MTRF1: variants seen among roughly 807,000 people sequenced by gnomAD.
MTRF1 encodes the protein mitochondrial translation release factor 1.
Under a neutral mutation model 62.9 loss-of-function variants are expected in MTRF1, and 51 were observed. The observed-to-expected ratio is 0.81, with a 90% CI of 0.65 to 1.02. The LOEUF is 1.02. MTRF1 is among the 50% of genes least tolerant of loss of function. The pLI, the probability that MTRF1 is intolerant of heterozygous loss-of-function variation, is 0.00. For synonymous variants in MTRF1, 158 were observed against 181.9 expected, an observed-to-expected ratio of 0.87 and a Z score of 1.06; for missense variants, 446 against 530.0, an observed-to-expected ratio of 0.84 and a Z score of 1.56.
intron 7 of MTRF1, among the ~76,000 whole-genome samples, 168 bp from the exon 8 acceptor site, chr13:41,226,736 T>C (rs1052049818): frequency 1.5e-4 from 23 of 152,322 alleles, no homozygotes; most frequent in African/African-American, 5.3e-4. Context: ...ATAGCTGTAG[T>C]TGGCTCTTTA....
intron 3 of MTRF1, among the ~76,000 whole-genome samples, chr13:41,253,784 T>C (rs1261104730): frequency 6.6e-6 from 1 of 152,208 alleles, no homozygotes; most frequent in Non-Finnish European, 1.5e-5. Context: ...TGCCTTTGAT[T>C]AACTGGTTCA....
chr13:41,252,434 T>A (rs1158321809), intron 5 of MTRF1: 2 of 371,382 alleles, frequency 5.4e-6, no homozygotes, highest in East Asian at 8.0e-5. Flanking sequence ...TATTTCTCCC[T>A]AAGCAAATGC....
chr13:41,271,306 A>C, the MTRF1 span, among the ~76,000 whole-genome samples: 3 of 152,236 alleles, frequency 2.0e-5, no homozygotes, highest in Non-Finnish European at 4.4e-5. Context: ...GTAAATGTGC[A>C]CAAAGACCAT....
chr13:41,304,911 C>G, the MTRF1 span, among the ~76,000 whole-genome samples: 1 of 152,216 alleles, frequency 6.6e-6, no homozygotes, highest in Non-Finnish European at 1.5e-5. Flanking sequence ...CAGTTAGACA[C>G]TAAGGATTTA....
chr13:41,246,239 G>T (rs1191208846), intron 5 of MTRF1, among the ~76,000 whole-genome samples: 1 of 152,052 alleles, frequency 6.6e-6, no homozygotes, highest in East Asian at 1.9e-4. Context: ...TATGGCAATT[G>T]GTGGTTTGTT....
At chr13:41,232,223 G>A (rs144566565) in intron 7 of MTRF1, among the ~76,000 whole-genome samples, 1 of 152,034 alleles carries the variant, frequency 6.6e-6, no homozygotes, top group African/African-American at 2.4e-5. Flanking sequence ...AACAAAATAA[G>A]AAAAGGATGC....
intron 7 of MTRF1, among the ~76,000 whole-genome samples, chr13:41,230,899 A>G (rs2035431966): frequency 6.6e-6 from 1 of 151,536 alleles, no homozygotes; most frequent in Non-Finnish European, 1.5e-5. Context: ...ATTTTTTTGT[A>G]TTTTTAGTAG....
upstream of MTRF1, among the ~76,000 whole-genome samples, chr13:41,265,268 C>G (rs545122030): frequency 1.3e-5 from 2 of 151,746 alleles, no homozygotes; most frequent in African/African-American, 2.4e-5. Flanking sequence ...ACTAAAAATA[C>G]AAAATTAGCT....
the MTRF1 span, among the ~76,000 whole-genome samples, chr13:41,283,625 T>A: frequency 8.3e-5 from 10 of 120,690 alleles, no homozygotes; most frequent in Non-Finnish European, 1.5e-4. Flanking sequence ...AGTCTCGCTC[T>A]GTCACCCAGG....
intron 7 of MTRF1, among the ~76,000 whole-genome samples, chr13:41,231,034 G>A (rs1453006666): frequency 4.6e-5 from 7 of 151,920 alleles, no homozygotes; most frequent in Non-Finnish European, 2.9e-5. Flanking sequence ...CCCCCACCCC[G>A]CTTTTTTTAA....
chr13:41,287,357 G>A, the MTRF1 span, among the ~76,000 whole-genome samples: 6 of 152,304 alleles, frequency 3.9e-5, no homozygotes, highest in South Asian at 2.1e-4. Context: ...ACCAGATCTC[G>A]TGTGAACTCA....
the MTRF1 span, among the ~76,000 whole-genome samples, chr13:41,296,494 G>A: frequency 6.6e-6 from 1 of 152,024 alleles, no homozygotes; most frequent in South Asian, 2.1e-4. Flanking sequence ...TTCTAGTTGG[G>A]CCCCTGGAAA....
the MTRF1 span, among the ~76,000 whole-genome samples, chr13:41,271,082 C>CACAT: frequency 1.3e-4 from 19 of 150,048 alleles, no homozygotes; most frequent in Admixed American, 2.0e-4. Flanking sequence ...CACACACACA[C>CACAT]ACACACACAC....
intron 5 of MTRF1, among the ~76,000 whole-genome samples, 158 bp from the exon 6 acceptor site, chr13:41,240,591 G>C (rs963735473): frequency 1.3e-5 from 2 of 152,130 alleles, no homozygotes; most frequent in Non-Finnish European, 2.9e-5. Flanking sequence ...AAGAAGAAAA[G>C]AGGACATAAA....
upstream of MTRF1, among the ~76,000 whole-genome samples, chr13:41,265,675 CAAAG>C (rs150756743): frequency 0.52 from 78,724 of 150,990 alleles, 21,271 homozygotes; most frequent in South Asian, 0.62. Context: ...CCTGCCCAAA[CAAAG>C]AAGAGGTTAC....
intron 3 of MTRF1, among the ~76,000 whole-genome samples, chr13:41,254,298 A>G (rs2039440995): frequency 6.6e-6 from 1 of 152,142 alleles, no homozygotes; most frequent in Admixed American, 6.5e-5. Context: ...ACAAGTTAAC[A>G]GACTCAACTT....
chr13:41,271,288 C>T, the MTRF1 span, among the ~76,000 whole-genome samples: 23 of 152,258 alleles, frequency 1.5e-4, no homozygotes, highest in Middle Eastern at 3.4e-3. Flanking sequence ...GGGCTCTTTT[C>T]CCTTAATGTA....
intron 5 of MTRF1, among the ~76,000 whole-genome samples, chr13:41,244,327 G>C (rs1337976703): frequency 6.6e-6 from 1 of 152,150 alleles, no homozygotes; most frequent in Non-Finnish European, 1.5e-5. Context: ...TTGTTTCTAC[G>C]TGCCTAATGG....
chr13:41,311,438 G>A, the MTRF1 span: 3 of 1,266,382 alleles, frequency 2.4e-6, no homozygotes, highest in East Asian at 5.1e-5. Context: ...CCGACTCTCA[G>A]CAGCGGTTCG....
Sources: gnomAD v4.1 joint callset for allele counts (sites outside exome capture counted in the v4.1 genomes callset) on GRCh38, gnomAD v4.1.1 for gene constraint, MANE v1.5 for transcripts, NCBI Gene and HGNC (gene_info 2026-07-23, HGNC 2026-07-21) for gene names.